Variants in OXSR1 observed in about 807,000 individuals in gnomAD.
OXSR1 encodes oxidative stress responsive kinase 1.
A neutral mutation model predicts 79.8 loss-of-function variants in OXSR1; 24 were observed. That is an observed-to-expected ratio of 0.30 (90% CI 0.22 to 0.42). The LOEUF (loss-of-function observed/expected upper bound fraction) is 0.42. Ranked by LOEUF, OXSR1 falls within the 10% of genes least tolerant of loss-of-function variation. The probability of loss-of-function intolerance (pLI) is 1.00; values close to 1 mark genes in which losing one functional copy is unlikely to be tolerated. For synonymous variants in OXSR1, 226 were observed against 209.2 expected, an observed-to-expected ratio of 1.08 and a Z score of -0.69; for missense variants, 430 against 618.4, an observed-to-expected ratio of 0.70 and a Z score of 3.23.
At chr3:38,170,752 G>C (rs779118838) in intron 1 of OXSR1, among the ~76,000 whole-genome samples, 1 of 152,166 alleles carries the variant, frequency 6.6e-6, no homozygotes, top group Non-Finnish European at 1.5e-5. Flanking sequence ...ACTGGAAGAT[G>C]GGGGTCATTG....
chr3:38,174,167 A>G (rs757729746), intron 1 of OXSR1, among the ~76,000 whole-genome samples: 41 of 152,314 alleles, frequency 2.7e-4, no homozygotes, highest in Middle Eastern at 6.8e-3. Context: ...GGTGGTATGG[A>G]TGCTTGGTCC....
intron 1 of OXSR1, among the ~76,000 whole-genome samples, chr3:38,180,133 A>C (rs1415403332): frequency 6.6e-6 from 1 of 152,088 alleles, no homozygotes; most frequent in Non-Finnish European, 1.5e-5. Context: ...TAGTAGAGGC[A>C]GGGTTTCTCC....
intron 10 of OXSR1, among the ~76,000 whole-genome samples, chr3:38,236,172 T>C (rs182362536): frequency 1.3e-5 from 2 of 152,338 alleles, no homozygotes; most frequent in African/African-American, 4.8e-5. Flanking sequence ...ACATTGAATA[T>C]TGATCTAACC....
upstream of OXSR1, chr3:38,165,014 T>C (rs1575294517): frequency 6.6e-6 from 1 of 152,230 alleles, no homozygotes; most frequent in East Asian, 1.9e-4. Flanking sequence ...CTTTCGCACG[T>C]CTCGAGGGTG....
At chr3:38,181,873 A>G (rs1424773520) in intron 1 of OXSR1, among the ~76,000 whole-genome samples, 1 of 147,164 alleles carries the variant, frequency 6.8e-6, no homozygotes, top group Admixed American at 6.8e-5. Context: ...TTATTATGTT[A>G]GGAGACTTTT....
intron 4 of OXSR1, among the ~76,000 whole-genome samples, chr3:38,201,864 G>T (rs922299040): frequency 2.0e-5 from 3 of 151,782 alleles, no homozygotes; most frequent in Admixed American, 2.0e-4. Context: ...ACTCTGTGTC[G>T]AAAAGAAAAA....
chr3:38,247,579 C>A, intron 13 of OXSR1, 89 bp from the exon 14 acceptor site: 1 of 914,478 alleles, frequency 1.1e-6, no homozygotes, highest in Non-Finnish European at 1.8e-6. Context: ...AAATTGCTGC[C>A]AAGTAAATGA....
intron 12 of OXSR1, among the ~76,000 whole-genome samples, chr3:38,244,700 A>G (rs2125852652): frequency 7.4e-6 from 1 of 134,856 alleles, no homozygotes; most frequent in Middle Eastern, 4.2e-3. Context: ...TTCATCTGTC[A>G]GTGGACACTT....
intron 2 of OXSR1, among the ~76,000 whole-genome samples, chr3:38,187,073 C>G (rs1701899132): frequency 6.6e-6 from 1 of 152,132 alleles, no homozygotes; most frequent in Non-Finnish European, 1.5e-5. Context: ...GGCAAAGAGA[C>G]TAGTTGGTAG....
chr3:38,169,101 A>G (rs1486604063), intron 1 of OXSR1, among the ~76,000 whole-genome samples: 1 of 152,148 alleles, frequency 6.6e-6, no homozygotes, highest in Admixed American at 6.5e-5. Context: ...TTGTTTCTCT[A>G]AATTTGTTGT....
chr3:38,233,078 A>G (rs1455886734), intron 10 of OXSR1, among the ~76,000 whole-genome samples: 3 of 151,722 alleles, frequency 2.0e-5, no homozygotes, highest in Admixed American at 6.6e-5. Flanking sequence ...TCCCTCCCCC[A>G]CTCCATGCTG....
chr3:38,237,861 C>T (rs1702951206), intron 11 of OXSR1, among the ~76,000 whole-genome samples: 1 of 152,142 alleles, frequency 6.6e-6, no homozygotes, highest in South Asian at 2.1e-4. Flanking sequence ...GGCATCCTTT[C>T]TTCCTTACTT....
intron 16 of OXSR1, among the ~76,000 whole-genome samples, chr3:38,251,901 A>T (rs779301928): frequency 6.6e-6 from 1 of 152,226 alleles, no homozygotes; most frequent in Non-Finnish European, 1.5e-5. Flanking sequence ...CCATGTCCTT[A>T]GACACAGTTT....
At chr3:38,209,001 C>T (rs1247898732) in intron 4 of OXSR1, among the ~76,000 whole-genome samples, 9 of 151,942 alleles carry the variant, frequency 5.9e-5, no homozygotes, top group Admixed American at 6.5e-5. Flanking sequence ...CGCGCGTGCG[C>T]GCATGTGCAT....
intron 1 of OXSR1, among the ~76,000 whole-genome samples, 195 bp downstream of exon 1, chr3:38,166,141 G>T (rs1701449145): frequency 6.6e-6 from 1 of 151,840 alleles, no homozygotes; most frequent in Admixed American, 6.6e-5. Context: ...GCGCGCGCCT[G>T]TGAGGTGGCG....
chr3:38,203,464 G>A (rs1040382675), intron 4 of OXSR1, among the ~76,000 whole-genome samples: 1 of 152,076 alleles, frequency 6.6e-6, no homozygotes, highest in Admixed American at 6.5e-5. Flanking sequence ...CGCACACAGG[G>A]AGAACACCCG....
intron 6 of OXSR1, 73 bp downstream of exon 6, chr3:38,221,760 G>C: frequency 1.2e-6 from 1 of 840,284 alleles, no homozygotes; most frequent in South Asian, 1.6e-5. Context: ...AATAGTGCTT[G>C]CTTTTCTTTG....
intron 3 of OXSR1, among the ~76,000 whole-genome samples, chr3:38,194,612 G>T (rs1169741220): frequency 6.6e-6 from 1 of 152,152 alleles, no homozygotes; most frequent in East Asian, 1.9e-4. Flanking sequence ...ACTGGGGAAA[G>T]ATGGGAGATG....
chr3:38,175,883 A>G (rs1251485354), intron 1 of OXSR1, among the ~76,000 whole-genome samples: 1 of 152,184 alleles, frequency 6.6e-6, no homozygotes, highest in East Asian at 1.9e-4. Flanking sequence ...GAGGCGTGCC[A>G]ATGTGAAGTA....
Sources: allele counts gnomAD v4.1 joint callset (sites outside exome capture counted in the v4.1 genomes callset), GRCh38; gene constraint gnomAD v4.1.1; transcripts MANE v1.5; gene names NCBI Gene and HGNC (gene_info 2026-07-23, HGNC 2026-07-21).